Variants in SPRING1 observed in about 807,000 individuals in gnomAD.
The protein encoded by SPRING1 is SREBF pathway regulator in golgi 1, also known as SREBP regulating gene protein.
In SPRING1, 14 loss-of-function variants were observed where a neutral mutation model predicts 24.7. That is an observed-to-expected ratio of 0.57 (90% CI 0.37 to 0.88). The LOEUF is 0.88. Ranked by LOEUF, SPRING1 falls within the 40% of genes least tolerant of loss-of-function variation. SPRING1 has a pLI of 0.00. For synonymous variants in SPRING1, 93 were observed against 106.1 expected (o/e 0.88, Z 0.76); for missense variants, 255 against 268.4 (o/e 0.95, Z 0.35).
At chr12:116,723,032 C>T (rs756560843) in intron 2 of SPRING1, 35 bp downstream of exon 2, 2 of 1,611,870 alleles carry the variant, frequency 1.2e-6, no homozygotes, top group South Asian at 1.1e-5. Flanking sequence ...GCCTACGCTC[C>T]TGACCGCCTG....
chr12:116,737,136 G>C (rs11068166), intron 1 of SPRING1, among the ~76,000 whole-genome samples: 4 of 152,216 alleles, frequency 2.6e-5, no homozygotes, highest in Non-Finnish European at 4.4e-5. Context: ...TCAACTCGGG[G>C]TTCTAGTCCC....
rs759493107 is a variant in SPRING1, at chr12:116,717,768, C to T, written c.*42G>A. The T allele has an allele frequency of 5.3e-6, 8 of 1,516,930 alleles. No homozygotes were observed. Among genetic ancestry groups the T allele is most frequent in the South Asian group, 2.4e-5 (2 of 83,904 alleles). The allele number at this position is 1,516,930 out of a possible 1,614,324, so 94.0% of individuals were successfully genotyped here. ...GGGTCCCAGGAGGCGAGTTCTTCAG[C>T]GGGGCCTCCTCACCCAGGCTGGAGC... On this transcript the variant is annotated 3_prime_UTR_variant, in exon 5 of 5. Coordinates refer to ENST00000261318, the MANE Select transcript of SPRING1 (RefSeq NM_024738.4). This position sits in a 1 kb window ranked among gnomAD's most constrained non-coding sequence, Gnocchi z 4.2.
chr12:116,718,942 G>C (rs995345446), intron 4 of SPRING1, among the ~76,000 whole-genome samples: 1 of 152,214 alleles, frequency 6.6e-6, no homozygotes, highest in South Asian at 2.1e-4. Flanking sequence ...CCAGAGACAT[G>C]AGAAGGGGCA....
At position 116,715,779 on chromosome 12, in the gene SPRING1, C is replaced by T. The variant is rs1870100804; in HGVS notation, c.*2031G>A. Reference sequence around the variant, plus strand: ...GCGGGGACCCAGGAAGTCACTCCACCTCTCATAGTTCCTCATCCACAAAGT... The same window carrying T: ...GCGGGGACCCAGGAAGTCACTCCACTTCTCATAGTTCCTCATCCACAAAGT... On this transcript the variant is annotated 3_prime_UTR_variant, in exon 5 of 5. Coordinates refer to ENST00000261318, the MANE Select transcript of SPRING1 (RefSeq NM_024738.4). 6.6e-6 allele frequency: 1 copy of T among 152,170 alleles called. No individual in the cohort carries two copies. The highest frequency in any genetic ancestry group is 1.5e-5 in the Non-Finnish European group (1 of 68,034). The allele number at this position is 152,170 out of a possible 1,614,324, so 9.4% of individuals were successfully genotyped here. A position where few individuals can be genotyped will look rare whatever the true frequency, so the allele number is the denominator to read the frequency against.
At chr12:116,734,324 G>A (rs1054181758) in intron 1 of SPRING1, among the ~76,000 whole-genome samples, 4 of 152,198 alleles carry the variant, frequency 2.6e-5, no homozygotes, top group African/African-American at 9.6e-5. Context: ...AGGAGGAATA[G>A]GCTATGCCAC....
chr12:116,725,283 C>T (rs535611395), intron 1 of SPRING1, among the ~76,000 whole-genome samples: 1 of 152,292 alleles, frequency 6.6e-6, no homozygotes, highest in South Asian at 2.1e-4. Context: ...CCGGGCTGTG[C>T]ATCATTCCTT....
intron 4 of SPRING1, among the ~76,000 whole-genome samples, chr12:116,718,902 C>A (rs938761031): frequency 2.6e-5 from 4 of 152,318 alleles, no homozygotes; most frequent in East Asian, 1.9e-4. Flanking sequence ...GAAACATTTA[C>A]CCAATGATAC....
Position 116,727,100 on chromosome 12 carries a change from C to T in SPRING1, c.112-3877G>A, listed in dbSNP as rs527737000. Among the ~76,000 whole-genome samples the T allele has an allele frequency of 3.9e-5, 6 of 152,340 alleles. No homozygotes were observed. The South Asian group carries it at 1.0e-3, about 26-fold the overall frequency. ...TAGGGAGCTTTCTACCTTTCCTGAA[C>T]TGTTTCACCTACCCTATTAGGTTGT... On this transcript the variant is annotated intron_variant, in intron 1 of 4. Transcript: ENST00000261318.
chr12:116,723,594 T>C (rs1367879336), intron 1 of SPRING1, among the ~76,000 whole-genome samples: 2 of 152,188 alleles, frequency 1.3e-5, no homozygotes, highest in African/African-American at 4.8e-5. Context: ...AAATACATTG[T>C]GGAACAGAAC....
intron 1 of SPRING1, 95 bp downstream of exon 1, chr12:116,737,680 GGGAGGAAGGAAAAAA>G: frequency 3.2e-6 from 4 of 1,249,862 alleles, no homozygotes; most frequent in Non-Finnish European, 4.2e-6. Context: ...TAGGAAGACA[GGGAGGAAGGAAAAAA>G]GGAGGAAGGT....
At chr12:116,721,867 C>G (rs1566057496) in intron 2 of SPRING1, among the ~76,000 whole-genome samples, 1 of 152,014 alleles carries the variant, frequency 6.6e-6, no homozygotes, top group East Asian at 1.9e-4. Flanking sequence ...CTCAGGCATC[C>G]TTTTTTTTCC....
Position 116,738,029 on chromosome 12 carries a change from C to G in SPRING1, c.-129G>C. 9.1e-7 allele frequency: 1 copy of G among 1,101,152 alleles called. No homozygotes were observed. Among genetic ancestry groups the G allele is most frequent in the Non-Finnish European group, 1.1e-6 (1 of 904,566 alleles). The allele number at this position is 1,101,152 out of a possible 1,614,324, so 68.2% of individuals were successfully genotyped here. A position where few individuals can be genotyped will look rare whatever the true frequency, so the allele number is the denominator to read the frequency against. On this transcript the variant is annotated 5_prime_UTR_variant, in exon 1 of 5. Transcript: ENST00000261318. Reference sequence around the variant, plus strand: ...AGGCGCCGGCCCCGCCGCCCGCAGCCCAGTCTGCTCCCGGCAGCCTTGGGC... The same window carrying G: ...AGGCGCCGGCCCCGCCGCCCGCAGCGCAGTCTGCTCCCGGCAGCCTTGGGC...
In SPRING1 at chr12:116,716,030, A is replaced by C. The variant is rs1039270044; in HGVS notation, c.*1780T>G. 1 of 152,248 alleles carries C rather than the reference A, an allele frequency of 6.6e-6. No homozygotes were observed. The highest frequency in any genetic ancestry group is 1.5e-5 in the Non-Finnish European group (1 of 68,046). The allele number at this position is 152,248 out of a possible 1,614,324, so 9.4% of individuals were successfully genotyped here. ...ATTCCAATGTCAACCCAGGGAAGAC[A>C]GACACTGAAATTCCAAACTGAGTTA... On this transcript the variant is annotated 3_prime_UTR_variant, in exon 5 of 5. Transcript: ENST00000261318.
At position 116,717,967 on chromosome 12, in the gene SPRING1, G is replaced by C. The variant is rs1195877520; in HGVS notation, c.535-74C>G. 5 of 1,267,690 alleles carry C rather than the reference G, an allele frequency of 3.9e-6. No homozygotes were observed. In the African/African-American group the frequency reaches 4.5e-5, roughly 11 times the overall value. 78.5% of individuals were successfully genotyped at this position (1,267,690 alleles called of 1,614,324 possible). On this transcript the variant is annotated intron_variant, in intron 4 of 4. Transcript: ENST00000261318. The surrounding 1 kb of genome is among the most constrained non-coding windows in gnomAD (Gnocchi z 4.2). ...ACACACCTCCCTCTCGGAAGAGTGAGAGTGGATCGGGACTGTCAGACTCTC... is the reference window on the plus strand; with the variant it reads ...ACACACCTCCCTCTCGGAAGAGTGACAGTGGATCGGGACTGTCAGACTCTC...
At chr12:116,727,354 G>T (rs537464583) in intron 1 of SPRING1, among the ~76,000 whole-genome samples, 2 of 152,294 alleles carry the variant, frequency 1.3e-5, no homozygotes, top group Admixed American at 1.3e-4. Context: ...AAAGAGAAGA[G>T]CAGGAGCCAA....
chr12:116,736,764 G>A (rs1177321411), intron 1 of SPRING1, among the ~76,000 whole-genome samples: 1 of 152,108 alleles, frequency 6.6e-6, no homozygotes, highest in Non-Finnish European at 1.5e-5. Context: ...CCCCACCCGT[G>A]CTCCTTGCTG....
intron 1 of SPRING1, among the ~76,000 whole-genome samples, chr12:116,725,759 G>A (rs776793735): frequency 2.6e-5 from 4 of 151,962 alleles, no homozygotes; most frequent in Non-Finnish European, 5.9e-5. Context: ...GGTGGCGGGC[G>A]CCTGTAGTCC....
In SPRING1 at chr12:116,721,742, C is replaced by G. The variant is rs950627064; in HGVS notation, c.269-1295G>C. Among the ~76,000 whole-genome samples the G allele has an allele frequency of 3.9e-5, 6 of 152,276 alleles. No individual in the cohort carries two copies. In the East Asian group the frequency reaches 9.6e-4, roughly 24 times the overall value. ...TGTAATTAAGTTAGTTAGCATTTTC[C>G]TCAAAATTCTGCTCAAAATAATAAA... On this transcript the variant is annotated intron_variant, in intron 2 of 4. Coordinates refer to ENST00000261318, the MANE Select transcript of SPRING1 (RefSeq NM_024738.4).
At position 116,713,961 on chromosome 12, in the gene SPRING1, CAA is replaced by C. The variant is rs1343428917; in HGVS notation, c.*3847_*3848del. ...TTAAAAACAGTAACAACAATAGTAA[CAA>C]GAGCTCTGTAATTCCTACCCTTCCA... On this transcript the variant is annotated 3_prime_UTR_variant, in exon 5 of 5. Coordinates refer to ENST00000261318, the MANE Select transcript of SPRING1 (RefSeq NM_024738.4). The C allele has an allele frequency of 6.6e-6, 1 of 152,170 alleles. No individual in the cohort carries two copies. The highest frequency in any genetic ancestry group is 2.4e-5 in the African/African-American group (1 of 41,442). 9.4% of individuals were successfully genotyped at this position (152,170 alleles called of 1,614,324 possible).
Sources: allele counts gnomAD v4.1 joint callset (sites outside exome capture counted in the v4.1 genomes callset), GRCh38; gene constraint gnomAD v4.1.1; non-coding constraint Gnocchi (gnomAD v3.1); transcripts MANE v1.5; gene names NCBI Gene and HGNC (gene_info 2026-07-23, HGNC 2026-07-21).